RPS6KC1: variants seen among roughly 807,000 people sequenced by gnomAD.
RPS6KC1 encodes the protein inactive ribosomal protein S6 kinase delta-1.
RPS6KC1 carries 54 observed loss-of-function variants against 103.8 expected under a neutral mutation model. The ratio of observed to expected loss-of-function variants is 0.52; its 90% CI spans 0.42 to 0.65. The LOEUF (loss-of-function observed/expected upper bound fraction) is 0.65, where lower values mean the gene tolerates loss of function less well. Among genes scored for constraint, RPS6KC1 ranks in the 30% least tolerant of loss-of-function variants. The pLI is 0.00. For synonymous variants in RPS6KC1, 439 were observed against 438.7 expected, an observed-to-expected ratio of 1.00 and a Z score of -0.01; for missense variants, 1,151 against 1,253.8, an observed-to-expected ratio of 0.92 and a Z score of 1.24.
At chr1:213,117,438 C>G (rs1387655707) in intron 5 of RPS6KC1, 28 bp downstream of exon 5, 1 of 1,370,702 alleles carries the variant, frequency 7.3e-7, no homozygotes, top group East Asian at 2.3e-5. Context: ...TTTTGCATTT[C>G]AAAGGTTTGG....
At chr1:213,567,168 C>T in the RPS6KC1 span, among the ~76,000 whole-genome samples, 1 of 152,176 alleles carries the variant, frequency 6.6e-6, no homozygotes, top group Non-Finnish European at 1.5e-5. Context: ...GAAGTCACAC[C>T]TGTGATCATG....
the RPS6KC1 span, among the ~76,000 whole-genome samples, chr1:213,387,442 G>A: frequency 6.6e-6 from 1 of 152,094 alleles, no homozygotes; most frequent in Non-Finnish European, 1.5e-5. Flanking sequence ...GGCTTCCTGG[G>A]GACTCCACTT....
the RPS6KC1 span, among the ~76,000 whole-genome samples, chr1:213,304,193 G>A: frequency 2.5e-3 from 280 of 111,856 alleles, no homozygotes; most frequent in Non-Finnish European, 4.3e-3. Flanking sequence ...GCGACAGAGC[G>A]AGACTCCATC....
chr1:213,212,034 C>T (rs867120257), intron 8 of RPS6KC1, among the ~76,000 whole-genome samples: 1 of 152,088 alleles, frequency 6.6e-6, no homozygotes, highest in South Asian at 2.1e-4. Context: ...CAACAACCCC[C>T]ACCAGAGTGG....
chr1:213,220,675 T>G (rs556954182), intron 8 of RPS6KC1, among the ~76,000 whole-genome samples: 2 of 152,362 alleles, frequency 1.3e-5, no homozygotes, highest in African/African-American at 4.8e-5. Flanking sequence ...TGTATAATTT[T>G]CTAGAAAATA....
At chr1:213,491,147 A>T in the RPS6KC1 span, among the ~76,000 whole-genome samples, 31,198 of 152,150 alleles carry the variant, frequency 0.21, 3,862 homozygotes, top group Middle Eastern at 0.33. Flanking sequence ...CTGGAACAAA[A>T]TGTGTCTGTT....
chr1:213,100,469 C>G (rs1242988740), intron 3 of RPS6KC1, among the ~76,000 whole-genome samples: 1 of 152,146 alleles, frequency 6.6e-6, no homozygotes, highest in Non-Finnish European at 1.5e-5. Flanking sequence ...GGTACATGTG[C>G]AGATTTGTTA....
chr1:213,387,443 G>T, the RPS6KC1 span, among the ~76,000 whole-genome samples: 1 of 152,110 alleles, frequency 6.6e-6, no homozygotes, highest in Admixed American at 6.5e-5. Flanking sequence ...GCTTCCTGGG[G>T]ACTCCACTTT....
chr1:213,600,738 C>T, the RPS6KC1 span, among the ~76,000 whole-genome samples: 3 of 152,202 alleles, frequency 2.0e-5, no homozygotes, highest in Admixed American at 2.0e-4. Flanking sequence ...ACTTGAATTT[C>T]TCATACTTTA....
the RPS6KC1 span, among the ~76,000 whole-genome samples, chr1:213,654,019 A>G: frequency 6.6e-6 from 1 of 152,246 alleles, no homozygotes; most frequent in African/African-American, 2.4e-5. Context: ...CAAAGTGTAT[A>G]GACCCTACAG....
At chr1:213,116,572 T>G (rs2083652813) in intron 4 of RPS6KC1, among the ~76,000 whole-genome samples, 1 of 149,022 alleles carries the variant, frequency 6.7e-6, no homozygotes, top group Non-Finnish European at 1.5e-5. Flanking sequence ...AATATTGTTA[T>G]GTGTGAATTT....
the RPS6KC1 span, among the ~76,000 whole-genome samples, chr1:213,391,619 C>A: frequency 6.6e-6 from 1 of 152,166 alleles, no homozygotes; most frequent in Non-Finnish European, 1.5e-5. Flanking sequence ...TTGGCTCTGC[C>A]ACTTACTGTT....
the RPS6KC1 span, among the ~76,000 whole-genome samples, chr1:213,331,256 A>G: frequency 6.6e-6 from 1 of 152,222 alleles, no homozygotes; most frequent in Non-Finnish European, 1.5e-5. Flanking sequence ...CAAGTCTTAA[A>G]GTTCTGCTTG....
the RPS6KC1 span, among the ~76,000 whole-genome samples, chr1:213,482,938 C>T: frequency 6.6e-6 from 1 of 152,042 alleles, no homozygotes; most frequent in Admixed American, 6.6e-5. Context: ...GTCCATCTTT[C>T]CATTTTCCTA....
intron 8 of RPS6KC1, among the ~76,000 whole-genome samples, chr1:213,219,584 C>A (rs887887391): frequency 2.0e-5 from 3 of 152,140 alleles, no homozygotes; most frequent in Non-Finnish European, 4.4e-5. Context: ...GCACTACTCA[C>A]AATAGCAAAG....
the RPS6KC1 span, among the ~76,000 whole-genome samples, chr1:213,401,859 T>C: frequency 1.3e-5 from 2 of 152,188 alleles, no homozygotes; most frequent in Admixed American, 1.3e-4. Context: ...TGCTCATAAT[T>C]CATTGCAGCC....
intron 8 of RPS6KC1, among the ~76,000 whole-genome samples, chr1:213,179,150 C>T (rs150012290): frequency 1.3e-5 from 2 of 152,192 alleles, no homozygotes; most frequent in African/African-American, 4.8e-5. Flanking sequence ...AGCTGTGGCT[C>T]ATGCCTGTAA....
chr1:213,289,253 C>CAAAAAAAA, the RPS6KC1 span, among the ~76,000 whole-genome samples: 1 of 77,092 alleles, frequency 1.3e-5, no homozygotes, highest in African/African-American at 5.2e-5. Flanking sequence ...GTTGGATGCT[C>CAAAAAAAA]AAAAAAAAAA....
the RPS6KC1 span, among the ~76,000 whole-genome samples, chr1:213,860,135 C>CTA: frequency 1.4e-3 from 206 of 150,072 alleles, no homozygotes; most frequent in African/African-American, 4.9e-3. Context: ...ACATATGTAT[C>CTA]TATATATATC....
Sources: gnomAD v4.1 joint callset for allele counts (sites outside exome capture counted in the v4.1 genomes callset) on GRCh38, gnomAD v4.1.1 for gene constraint, MANE v1.5 for transcripts, NCBI Gene and HGNC (gene_info 2026-07-23, HGNC 2026-07-21) for gene names.